SMARCA5: variants seen among roughly 807,000 people sequenced by gnomAD.
The protein encoded by SMARCA5 is SNF2 related chromatin remodeling ATPase 5, also known as SWI/SNF-related matrix-associated actin-dependent regulator of chromatin subfamily A member 5.
Under a neutral mutation model 140.4 loss-of-function variants are expected in SMARCA5, and 18 were observed. That is an observed-to-expected ratio of 0.13 (90% CI 0.09 to 0.19). The LOEUF (loss-of-function observed/expected upper bound fraction) is 0.19, where lower values mean the gene tolerates loss of function less well. Ranked by LOEUF, SMARCA5 falls within the 10% of genes least tolerant of loss-of-function variation. The pLI is 1.00. For synonymous variants in SMARCA5, 449 were observed against 419.6 expected (o/e 1.07, Z -0.86); for missense variants, 606 against 1,276.8 (o/e 0.47, Z 8.01).
At chr4:143,518,603 A>C (rs757886038) in intron 2 of SMARCA5, among the ~76,000 whole-genome samples, 6 of 152,124 alleles carry the variant, frequency 3.9e-5, no homozygotes, top group Admixed American at 2.0e-4. Flanking sequence ...AATGTCTTAA[A>C]TAGCTTCAAA....
At chr4:143,538,474 T>C (rs112338662) in intron 11 of SMARCA5, 116 bp from the exon 12 acceptor site, 14 of 809,992 alleles carry the variant, frequency 1.7e-5, no homozygotes, top group African/African-American at 1.2e-4. Context: ...TTTTCCCCCT[T>C]GTAACCAAGT....
Position 143,540,459 on chromosome 4 carries a change from A to G in SMARCA5, c.1867A>G (p.Met623Val). The G allele has an allele frequency of 1.2e-6, 2 of 1,613,106 alleles. No individual in the cohort carries two copies. The highest frequency in any genetic ancestry group is 8.5e-7 in the Non-Finnish European group (1 of 1,179,414). The change falls in exon 14 of 24, where the codon ATG becomes GTG. Residue 623 changes from methionine (M) to valine (V), a missense_variant. By Grantham distance (21) the Met-to-Val change is conservative. This residue lies in a region of SMARCA5 where 62 missense variants were observed against 256.6 expected (regional missense o/e 0.24). Coordinates refer to ENST00000283131, the MANE Select transcript of SMARCA5 (RefSeq NM_003601.4). ...AGAAAGAATAGTAGAACGTGCTGAG[A>G]TGAAACTCAGACTGGATTCAATAGT... ...VEERIVERAE[M>V]KLRLDSIVIQ... is the part of the protein sequence containing the mutation.
At chr4:143,517,288 A>G in intron 1 of SMARCA5, 67 bp from the exon 2 acceptor site, 2 of 1,115,694 alleles carry the variant, frequency 1.8e-6, no homozygotes, top group Non-Finnish European at 2.6e-6. Flanking sequence ...TTGGTCAGAA[A>G]TTGGTCTATA....
At position 143,543,989 on chromosome 4, in the gene SMARCA5, T is replaced by G. The variant is rs1032763607; in HGVS notation, c.2172+17T>G. On this transcript the variant is annotated intron_variant, in intron 16 of 23. Coordinates refer to ENST00000283131, the MANE Select transcript of SMARCA5 (RefSeq NM_003601.4). ...AAACAAAAGGTAATTTAGAAATAGG[T>G]TTGGGTTACATGAAAGCTTTATTTT... 6.6e-7 allele frequency: 1 copy of G among 1,526,496 alleles called. No homozygotes were observed. The highest frequency in any genetic ancestry group is 2.1e-5 in the Admixed American group (1 of 46,752). The allele number at this position is 1,526,496 out of a possible 1,614,324, so 94.6% of individuals were successfully genotyped here.
chr4:143,519,834 A>G (rs948410012), intron 2 of SMARCA5, among the ~76,000 whole-genome samples: 1 of 152,134 alleles, frequency 6.6e-6, no homozygotes, highest in Non-Finnish European at 1.5e-5. Flanking sequence ...TAGCCATTCT[A>G]AAATGTCCCC....
intron 21 of SMARCA5, 143 bp from the exon 22 acceptor site, chr4:143,547,785 G>T (rs1446572933): frequency 1.1e-5 from 6 of 561,068 alleles, no homozygotes; most frequent in Non-Finnish European, 1.9e-5. Context: ...TCGGGACAAA[G>T]ATTATATAAA....
rs1004776840 is a variant in SMARCA5 at position 143,556,291 on chromosome 4, A to G, written c.*3107A>G. ...TTTAATTATATAAATGATTATATAAATGATCTTTGGCTTAGTACCTTTCTT... is the reference window on the plus strand; with the variant it reads ...TTTAATTATATAAATGATTATATAAGTGATCTTTGGCTTAGTACCTTTCTT... On this transcript the variant is annotated 3_prime_UTR_variant, in exon 24 of 24. Coordinates refer to ENST00000283131, the MANE Select transcript of SMARCA5 (RefSeq NM_003601.4). 1.3e-5 allele frequency: 2 copies of G among 152,208 alleles called. No homozygotes were observed. Among genetic ancestry groups the G allele is most frequent in the Non-Finnish European group, 2.9e-5 (2 of 68,042 alleles). The allele number at this position is 152,208 out of a possible 1,614,324, so 9.4% of individuals were successfully genotyped here. A position where few individuals can be genotyped will look rare whatever the true frequency, so the allele number is the denominator to read the frequency against.
chr4:143,543,470 TC>T lies in SMARCA5; in HGVS notation c.1904-38del, dbSNP rs1164438569. 2 of 1,553,514 alleles carry T rather than the reference TC, an allele frequency of 1.3e-6. 1 individual carries two copies. Among genetic ancestry groups the T allele is most frequent in the Admixed American group, 3.9e-5 (2 of 51,848 alleles). On this transcript the variant is annotated intron_variant, in intron 14 of 23. Transcript: ENST00000283131. ...GTTTCAAGTTTCCAGTAAAATAAAG[TC>T]TGTTCAGTTAACATTATACAACACA... is the stretch of plus-strand genomic sequence containing the variant.
chr4:143,535,045 C>A, intron 10 of SMARCA5, 81 bp downstream of exon 10: 1 of 975,282 alleles, frequency 1.0e-6, no homozygotes, highest in Non-Finnish European at 1.5e-6. Flanking sequence ...TAATTTGTGT[C>A]TTCATGGAAT....
chr4:143,550,299 G>C (rs1236533982), intron 23 of SMARCA5, among the ~76,000 whole-genome samples, 195 bp downstream of exon 23: 2 of 146,958 alleles, frequency 1.4e-5, no homozygotes, highest in Non-Finnish European at 3.0e-5. Context: ...TTCAAATTTA[G>C]GTAGTGGTAT....
intron 22 of SMARCA5, 84 bp from the exon 23 acceptor site, chr4:143,549,901 TTATATATTATCC>T: frequency 1.6e-6 from 1 of 643,610 alleles, no homozygotes; most frequent in South Asian, 1.7e-5. Context: ...ATTAGTGGTT[TTATATATTATCC>T]TATTAAAACA....
chr4:143,516,272 GTTAC>G (rs1193941548), intron 1 of SMARCA5, among the ~76,000 whole-genome samples: 1 of 141,768 alleles, frequency 7.1e-6, no homozygotes, highest in Non-Finnish European at 1.5e-5. Context: ...TATGTATTCA[GTTAC>G]TTTTTTTCTT....
chr4:143,526,642 A>G (rs542489473), intron 6 of SMARCA5, among the ~76,000 whole-genome samples, 182 bp downstream of exon 6: 19 of 152,206 alleles, frequency 1.2e-4, no homozygotes, highest in African/African-American at 4.3e-4. Flanking sequence ...CGGGTGGATC[A>G]TGAGGTCAGG....
intron 2 of SMARCA5, among the ~76,000 whole-genome samples, chr4:143,519,438 T>C (rs1289077057): frequency 6.6e-6 from 1 of 152,142 alleles, no homozygotes; most frequent in Admixed American, 6.5e-5. Flanking sequence ...CCCTTCCAAG[T>C]TTCTTAACAT....
At chr4:143,540,304 T>C in intron 13 of SMARCA5, 59 bp from the exon 14 acceptor site, 2 of 1,392,852 alleles carry the variant, frequency 1.4e-6, no homozygotes, top group South Asian at 2.8e-5. Flanking sequence ...GTGTACCCAT[T>C]TCAGTGTTAT....
At position 143,513,947 on chromosome 4, in the gene SMARCA5, C is replaced by T. The variant is rs550742639; in HGVS notation, c.23C>T (p.Pro8Leu). The change falls in exon 1 of 24, where the codon CCG becomes CTG. Residue 8 changes from proline (P) to leucine (L), a missense_variant. Physicochemically the swap from Pro to Leu is moderately conservative, Grantham distance 98. Coordinates refer to ENST00000283131, the MANE Select transcript of SMARCA5 (RefSeq NM_003601.4). The stretch of plus-strand genomic sequence containing the variant: ...ATCATGTCGTCCGCGGCCGAGCCTC[C>T]GCCACCCCCGCCTCCCGAGAGCGCG... MSSAAEP[P>L]PPPPPESAPS... The T allele has an allele frequency of 5.2e-6, 8 of 1,548,092 alleles. No individual in the cohort carries two copies. Among genetic ancestry groups the T allele is most frequent in the Admixed American group, 1.9e-5 (1 of 53,548 alleles).
Position 143,513,909 on chromosome 4 carries a change from AC to A in SMARCA5, c.-15del, listed in dbSNP as rs910506458. 4.6e-6 allele frequency: 7 copies of A among 1,537,632 alleles called. No homozygotes were observed. The highest frequency in any genetic ancestry group is 3.8e-5 in the Admixed American group (2 of 52,040). On this transcript the variant is annotated 5_prime_UTR_variant, in exon 1 of 24. Transcript: ENST00000283131. Reference sequence around the variant, plus strand: ...CTCGGGCCTCTGGCAGCAGCGGGTGACGCAGACGGAACATCATGTCGTCCGC... The same window carrying A: ...CTCGGGCCTCTGGCAGCAGCGGGTGAGCAGACGGAACATCATGTCGTCCGC...
At chr4:143,536,308 A>G (rs1206769932) in intron 10 of SMARCA5, 144 bp from the exon 11 acceptor site, 12 of 628,760 alleles carry the variant, frequency 1.9e-5, no homozygotes, top group Non-Finnish European at 3.4e-5. Flanking sequence ...ACAGATGTTA[A>G]ATTCCTAACC....
chr4:143,555,078 G>A lies in SMARCA5; in HGVS notation c.*1894G>A. On this transcript the variant is annotated 3_prime_UTR_variant, in exon 24 of 24. Transcript: ENST00000283131. ...CCCGCTAAGCTTTTGTTTCCTGGCA[G>A]TAATTAAAATCTTCTGTCAGTGCCA... is the stretch of plus-strand genomic sequence containing the variant. The A allele has an allele frequency of 1.6e-6, 1 of 611,360 alleles. No individual in the cohort carries two copies. The highest frequency in any genetic ancestry group is 1.8e-5 in the African/African-American group (1 of 55,390). The allele number at this position is 611,360 out of a possible 1,614,324, so 37.9% of individuals were successfully genotyped here. A position where few individuals can be genotyped will look rare whatever the true frequency, so the allele number is the denominator to read the frequency against.
Sources: allele counts gnomAD v4.1 joint callset (sites outside exome capture counted in the v4.1 genomes callset), GRCh38; gene constraint gnomAD v4.1.1; regional missense constraint gnomAD v4.1.1; transcripts MANE v1.5; gene names NCBI Gene and HGNC (gene_info 2026-07-23, HGNC 2026-07-21).